Variants in C10orf90 observed in about 807,000 individuals in gnomAD.
C10orf90 encodes chromosome 10 open reading frame 90, also known as (E2-independent) E3 ubiquitin-conjugating enzyme FATS.
C10orf90 carries 56 observed loss-of-function variants against 62.5 expected under a neutral mutation model. The ratio of observed to expected loss-of-function variants is 0.90; its 90% CI spans 0.72 to 1.12. The LOEUF (loss-of-function observed/expected upper bound fraction) is 1.12. Ranked by LOEUF, C10orf90 falls within the 50% of genes most tolerant of loss-of-function variation. The pLI is 0.00. For synonymous variants in C10orf90, 386 were observed against 340.4 expected (o/e 1.13, Z -1.47); for missense variants, 970 against 880.4 (o/e 1.10, Z -1.29).
chr10:126,505,176 A>G lies in C10orf90; in HGVS notation c.406-91T>C, dbSNP rs114693864. 2.1e-3 allele frequency: 2,887 copies of G among 1,358,288 alleles called. 45 individuals carry two copies. The African/African-American group carries it at 0.034, about 16-fold the overall frequency. The allele number at this position is 1,358,288 out of a possible 1,614,324, so 84.1% of individuals were successfully genotyped here. ...TCAAGGGCCACCAGGATGCCAGAGCACTGGGTTCATAACACTCAGATGTCT... is the reference window on the plus strand; with the variant it reads ...TCAAGGGCCACCAGGATGCCAGAGCGCTGGGTTCATAACACTCAGATGTCT... On this transcript the variant is annotated intron_variant, in intron 3 of 9. Transcript: ENST00000488181.
intron 1 of C10orf90, among the ~76,000 whole-genome samples, chr10:126,647,561 G>C (rs1424919020): frequency 6.6e-6 from 1 of 152,166 alleles, no homozygotes; most frequent in Admixed American, 6.5e-5. Context: ...GCTTCCCCCC[G>C]ATCCCATAGT....
At chr10:126,662,779 T>A (rs576766984) in intron 1 of C10orf90, among the ~76,000 whole-genome samples, 2 of 149,012 alleles carry the variant, frequency 1.3e-5, no homozygotes, top group East Asian at 2.0e-4. Flanking sequence ...CTGGCATCAT[T>A]GGGATGGGTG....
intron 3 of C10orf90, among the ~76,000 whole-genome samples, chr10:126,511,724 A>G (rs1471555678): frequency 1.3e-5 from 2 of 152,190 alleles, no homozygotes; most frequent in Non-Finnish European, 2.9e-5. Flanking sequence ...AGAGCTACAA[A>G]AGTTAATATG....
chr10:126,613,275 C>G (rs1047157236), intron 2 of C10orf90, among the ~76,000 whole-genome samples: 1 of 152,118 alleles, frequency 6.6e-6, no homozygotes, highest in Non-Finnish European at 1.5e-5. Flanking sequence ...CCTCTCTCCA[C>G]CTAGGTTGGA....
At chr10:126,594,991 G>T (rs2134033010) in intron 2 of C10orf90, among the ~76,000 whole-genome samples, 1 of 152,188 alleles carries the variant, frequency 6.6e-6, no homozygotes, top group East Asian at 1.9e-4. Flanking sequence ...TGCTAAGAGA[G>T]ACCACTCTAC....
intron 2 of C10orf90, among the ~76,000 whole-genome samples, chr10:126,628,456 T>C (rs914662170): frequency 2.0e-5 from 3 of 151,964 alleles, no homozygotes; most frequent in African/African-American, 7.3e-5. Flanking sequence ...TGATTGGATG[T>C]TGTGTTTGTT....
At chr10:126,474,213 G>A (rs1860739881) in intron 4 of C10orf90, among the ~76,000 whole-genome samples, 1 of 152,140 alleles carries the variant, frequency 6.6e-6, no homozygotes, top group Non-Finnish European at 1.5e-5. Context: ...TGCCCATCAT[G>A]GTCATTCAGG....
At chr10:126,452,632 C>T (rs1486695394) in intron 7 of C10orf90, among the ~76,000 whole-genome samples, 2 of 152,160 alleles carry the variant, frequency 1.3e-5, no homozygotes, top group Non-Finnish European at 2.9e-5. Context: ...ATTGGAAGTA[C>T]AATTGTCCTT....
At chr10:126,506,919 AGTGTGTGT>A (rs61651582) in intron 3 of C10orf90, among the ~76,000 whole-genome samples, 4 of 149,334 alleles carry the variant, frequency 2.7e-5, no homozygotes, top group African/African-American at 9.8e-5. Flanking sequence ...CAGGAGGGCC[AGTGTGTGT>A]GTGTGTGTGT....
chr10:126,456,758 G>A lies in C10orf90; in HGVS notation c.2188+2282C>T, dbSNP rs1003079111. On this transcript the variant is annotated intron_variant, in intron 7 of 9. Coordinates refer to ENST00000488181, the MANE Select transcript of C10orf90 (RefSeq NM_001350921.2). The surrounding 1 kb of genome is among the most constrained non-coding windows in gnomAD (Gnocchi z 4.9). The stretch of plus-strand genomic sequence containing the variant: ...TTTGAACATAGAGACACAGACGCAG[G>A]GAGGATGGCCATGTGGAGACAGAGG... Among the ~76,000 whole-genome samples the A allele has an allele frequency of 1.3e-5, 2 of 152,116 alleles. No individual in the cohort carries two copies. The highest frequency in any genetic ancestry group is 4.8e-5 in the African/African-American group (2 of 41,428).
At chr10:126,631,610 C>T (rs1044979420) in intron 2 of C10orf90, among the ~76,000 whole-genome samples, 21 of 151,902 alleles carry the variant, frequency 1.4e-4, no homozygotes, top group African/African-American at 4.8e-4. Flanking sequence ...GCTCAGTGCC[C>T]GGCACAGTTC....
At chr10:126,613,605 A>T (rs1186232041) in intron 2 of C10orf90, among the ~76,000 whole-genome samples, 2 of 152,200 alleles carry the variant, frequency 1.3e-5, no homozygotes, top group African/African-American at 4.8e-5. Flanking sequence ...CAAATCTGAA[A>T]AACTATATGA....
intron 2 of C10orf90, among the ~76,000 whole-genome samples, chr10:126,532,150 A>G (rs922201516): frequency 1.3e-5 from 2 of 152,140 alleles, no homozygotes; most frequent in Non-Finnish European, 2.9e-5. Flanking sequence ...TATGCCTCCA[A>G]CCTGCCAGGG....
chr10:126,494,913 T>C (rs553748061), intron 4 of C10orf90, among the ~76,000 whole-genome samples: 13 of 152,318 alleles, frequency 8.5e-5, no homozygotes, highest in African/African-American at 2.9e-4. Flanking sequence ...CAGGCCCTCA[T>C]AGGGACCTTA....
intron 2 of C10orf90, among the ~76,000 whole-genome samples, chr10:126,618,509 A>T (rs963376399): frequency 6.6e-6 from 1 of 152,040 alleles, no homozygotes; most frequent in African/African-American, 2.4e-5. Context: ...CACTTGCTTG[A>T]TCTCCCACTT....
At chr10:126,631,042 T>G (rs532252305) in intron 2 of C10orf90, among the ~76,000 whole-genome samples, 1 of 152,310 alleles carries the variant, frequency 6.6e-6, no homozygotes, top group Admixed American at 6.5e-5. Flanking sequence ...CACAGCAGTT[T>G]TGTACTTGTC....
intron 2 of C10orf90, among the ~76,000 whole-genome samples, chr10:126,628,866 G>A (rs1366054483): frequency 6.6e-6 from 1 of 152,204 alleles, no homozygotes; most frequent in Non-Finnish European, 1.5e-5. Context: ...AGCCACTACA[G>A]AGGGGCAGGG....
intron 2 of C10orf90, among the ~76,000 whole-genome samples, chr10:126,608,900 T>A (rs542966953): frequency 8.9e-4 from 136 of 152,310 alleles, no homozygotes; most frequent in African/African-American, 3.2e-3. Flanking sequence ...GTTCAGCACA[T>A]ATGGGTAGAG....
intron 2 of C10orf90, among the ~76,000 whole-genome samples, chr10:126,640,033 C>T (rs1004467301): frequency 3.3e-5 from 5 of 152,224 alleles, no homozygotes; most frequent in African/African-American, 1.2e-4. Context: ...TATTTTCTCT[C>T]TAATAACATC....
Sources: gnomAD v4.1 joint callset for allele counts (sites outside exome capture counted in the v4.1 genomes callset) on GRCh38, gnomAD v4.1.1 for gene constraint, Gnocchi (gnomAD v3.1) non-coding constraint, MANE v1.5 for transcripts, NCBI Gene and HGNC (gene_info 2026-07-23, HGNC 2026-07-21) for gene names.